The following MCL1 variants were observed in gnomAD, a reference collection of about 807,000 sequenced individuals.
MCL1 encodes the protein induced myeloid leukemia cell differentiation protein Mcl-1.
A neutral mutation model predicts 24.2 loss-of-function variants in MCL1; 4 were observed. The ratio of observed to expected loss-of-function variants is 0.17; its 90% confidence interval spans 0.08 to 0.38. The LOEUF (loss-of-function observed/expected upper bound fraction) is 0.38, where lower values mean the gene tolerates loss of function less well. MCL1 is among the 10% of genes least tolerant of loss of function. The pLI is 1.00. For synonymous variants in MCL1, 248 were observed against 214.0 expected (o/e 1.16, Z -1.39); for missense variants, 529 against 480.3 (o/e 1.10, Z -0.95).
chr1:150,577,362 A>T lies in MCL1; in HGVS notation c.*13T>A. ...TGGTTGGTTAAAAGTCAACTATTGCACTTACAGTAAGGCTATCTTATTAGA... is the reference window on the plus strand; with the variant it reads ...TGGTTGGTTAAAAGTCAACTATTGCTCTTACAGTAAGGCTATCTTATTAGA... On this transcript the variant is annotated 3_prime_UTR_variant, in exon 3 of 3. Transcript: ENST00000369026. 1 of 1,611,242 alleles carries T rather than the reference A, an allele frequency of 6.2e-7. No individual in the cohort carries two copies. Among genetic ancestry groups the T allele is most frequent in the South Asian group, 1.1e-5 (1 of 90,600 alleles).
At chr1:150,577,831 C>G (rs1368433672) in intron 2 of MCL1, among the ~76,000 whole-genome samples, 1 of 152,164 alleles carries the variant, frequency 6.6e-6, no homozygotes, top group East Asian at 1.9e-4. Context: ...TTGCGCAGAT[C>G]AGTTTTTCTC....
In MCL1 at chr1:150,574,756, C is replaced by G. The variant is rs771722861; in HGVS notation, c.*2619G>C. On this transcript the variant is annotated 3_prime_UTR_variant, in exon 3 of 3. Coordinates refer to ENST00000369026, the MANE Select transcript of MCL1 (RefSeq NM_021960.5). Reference sequence around the variant, plus strand: ...AAACACTAGAGGACTGCATGTTTTTCCCTGAGAGAAGCGTAAGACAAACAG... The same window carrying G: ...AAACACTAGAGGACTGCATGTTTTTGCCTGAGAGAAGCGTAAGACAAACAG... 2 of 233,024 alleles carry G rather than the reference C, an allele frequency of 8.6e-6. No homozygotes were observed. The highest frequency in any genetic ancestry group is 1.7e-5 in the Non-Finnish European group (2 of 117,738). 14.4% of individuals were successfully genotyped at this position (233,024 alleles called of 1,614,324 possible). A position where few individuals can be genotyped will look rare whatever the true frequency, so the allele number is the denominator to read the frequency against.
intron 1 of MCL1, 26 bp downstream of exon 1, chr1:150,578,817 C>T: frequency 6.3e-7 from 1 of 1,593,222 alleles, no homozygotes; most frequent in Non-Finnish European, 8.6e-7. Context: ...GGGAGTGAGG[C>T]CTTGGCGATT....
rs762886447 is a variant in MCL1 at position 150,578,884 on chromosome 1, A to G, written c.647T>C (p.Val216Ala). ...SRKALETLRR[V>A]GDGVQRNHET... Reference sequence around the variant, plus strand: ...GTGGTTGCGCTGCACGCCATCCCCAACCCGTCGTAAGGTCTCCAGCGCCTT... The same window carrying G: ...GTGGTTGCGCTGCACGCCATCCCCAGCCCGTCGTAAGGTCTCCAGCGCCTT... Residue 216 changes from valine to alanine, a missense_variant, in exon 1 of 3, where the codon GTT becomes GCT. Transcript: ENST00000369026. 2 of 1,613,610 alleles carry G rather than the reference A, an allele frequency of 1.2e-6. No homozygotes were observed. The highest frequency in any genetic ancestry group is 1.7e-5 in the Admixed American group (1 of 60,008).
Position 150,578,335 on chromosome 1 carries a change from T to G in MCL1, c.845A>C (p.Asn282Thr). ...TAATGGTTCGATGCAGCTTTCTTGG[T>G]TTATGGTCTTCAAGTGTTTAGCCAC... ...AFVAKHLKTI[N>T]QESCIEPLAE... The change falls in exon 2 of 3, where the codon AAC (asparagine) becomes ACC (threonine). Residue 282 changes from asparagine (N) to threonine (T), a missense_variant. By Grantham distance (65) the Asn-to-Thr change is moderately conservative (BLOSUM62 0). Coordinates refer to ENST00000369026, the MANE Select transcript of MCL1 (RefSeq NM_021960.5). 1 of 1,614,226 alleles carries G rather than the reference T, an allele frequency of 6.2e-7. No homozygotes were observed. Among genetic ancestry groups the G allele is most frequent in the South Asian group, 1.1e-5 (1 of 91,088 alleles).
rs768964884 is a variant in MCL1 at position 150,579,252 on chromosome 1, G to T, written c.279C>A (p.Pro93=). The T allele has an allele frequency of 6.6e-7, 1 of 1,516,752 alleles. No individual in the cohort carries two copies. The highest frequency in any genetic ancestry group is 8.8e-7 in the Non-Finnish European group (1 of 1,138,426). The allele number at this position is 1,516,752 out of a possible 1,614,324, so 94.0% of individuals were successfully genotyped here. A position where few individuals can be genotyped will look rare whatever the true frequency, so the allele number is the denominator to read the frequency against. Residue 93 remains proline, a synonymous_variant, in exon 1 of 3, where the codon CCC becomes CCA. Transcript: ENST00000369026. ...GAEVPDVTAT[P]ARLLFFAPTR... is the part of the protein sequence containing the mutation. ...TGGGCGCGAAGAAAAGCAGCCTCGC[G>T]GGGGTCGCGGTGACGTCGGGGACCT...
In MCL1 at chr1:150,578,336, T is replaced by G; in HGVS notation, c.844A>C (p.Asn282His). Reference sequence around the variant, plus strand: ...AATGGTTCGATGCAGCTTTCTTGGTTTATGGTCTTCAAGTGTTTAGCCACA... The same window carrying G: ...AATGGTTCGATGCAGCTTTCTTGGTGTATGGTCTTCAAGTGTTTAGCCACA... ...AFVAKHLKTI[N>H]QESCIEPLAE... The change falls in exon 2 of 3, where the codon AAC becomes CAC. Residue 282 changes from asparagine to histidine, a missense_variant. By Grantham distance (68) the Asn-to-His change is moderately conservative. Transcript: ENST00000369026. 2 of 1,614,228 alleles carry G rather than the reference T, an allele frequency of 1.2e-6. No homozygotes were observed. The highest frequency in any genetic ancestry group is 1.7e-5 in the Admixed American group (1 of 60,024).
chr1:150,578,269 T>A lies in MCL1; in HGVS notation c.911A>T (p.Asp304Val), dbSNP rs758143144. 6 of 1,614,026 alleles carry A rather than the reference T, an allele frequency of 3.7e-6. No individual in the cohort carries two copies. In the African/African-American group the frequency reaches 8.0e-5, roughly 22 times the overall value. The part of the protein sequence containing the change: ...ITDVLVRTKR[D>V]WLVKQRGWDG... The stretch of plus-strand genomic sequence containing the variant: ...CCAGCCTCTTTGTTTAACTAGCCAG[T>A]CCCGTTTTGTCCTTACGAGAACGTC... Residue 304 changes from aspartate to valine, a missense_variant, in exon 2 of 3, where the codon GAC (aspartate) becomes GTC (valine). Asp to Val is a radical substitution (Grantham distance 152, BLOSUM62 -3). Coordinates refer to ENST00000369026, the MANE Select transcript of MCL1 (RefSeq NM_021960.5).
rs751914083 is a variant in MCL1 at position 150,579,405 on chromosome 1, G to A, written c.126C>T (p.Ala42=). Residue 42 remains alanine, a synonymous_variant, in exon 1 of 3, where the codon GCC becomes GCT. Transcript: ENST00000369026. ...CTCCCCCTATCTCTCGCCGGGCCGA[G>A]GCCTCCTTCTCCGTAGCCAAAAGTC... is the stretch of plus-strand genomic sequence containing the variant. The part of the protein sequence containing the change: ...GGRLLATEKE[A]SARREIGGGE... 1 of 1,569,290 alleles carries A rather than the reference G, an allele frequency of 6.4e-7. No individual in the cohort carries two copies. The highest frequency in any genetic ancestry group is 8.6e-7 in the Non-Finnish European group (1 of 1,162,674).
rs1647966496 is a variant in MCL1, at chr1:150,579,206, C to T, written c.325G>A (p.Glu109Lys). 6.3e-7 allele frequency: 1 copy of T among 1,584,750 alleles called. No individual in the cohort carries two copies. The highest frequency in any genetic ancestry group is 8.6e-7 in the Non-Finnish European group (1 of 1,168,134). The change falls in exon 1 of 3, where the codon GAG becomes AAG. Residue 109 changes from glutamate to lysine, a missense_variant. Coordinates refer to ENST00000369026, the MANE Select transcript of MCL1 (RefSeq NM_021960.5). ...TCAGCGGCCGGGGCTTCCATCTCCT[C>T]AAGCGGCGCCGCGCGGCGGGTGGGC... Reference protein sequence around the residue: ...FAPTRRAAPLEEMEAPAADAI... With the variant: ...FAPTRRAAPLKEMEAPAADAI...
chr1:150,577,513 C>T (rs1647861541), intron 2 of MCL1, 22 bp from the exon 3 acceptor site: 1 of 1,576,950 alleles, frequency 6.3e-7, no homozygotes, highest in African/African-American at 1.5e-5. Context: ...AAAAGAAAAG[C>T]ACATTTTCAA....
In MCL1 at chr1:150,575,285, C is replaced by T. The variant is rs1647745122; in HGVS notation, c.*2090G>A. On this transcript the variant is annotated 3_prime_UTR_variant, in exon 3 of 3. Coordinates refer to ENST00000369026, the MANE Select transcript of MCL1 (RefSeq NM_021960.5). ...CAGGCAGGGCAGTTCTTCCCCATTACATTCTTAGTCATCTTATTCATACCT... is the reference window on the plus strand; with the variant it reads ...CAGGCAGGGCAGTTCTTCCCCATTATATTCTTAGTCATCTTATTCATACCT... 1 of 233,192 alleles carries T rather than the reference C, an allele frequency of 4.3e-6. No homozygotes were observed. The highest frequency in any genetic ancestry group is 5.6e-5 in the Admixed American group (1 of 17,770). 14.4% of individuals were successfully genotyped at this position (233,192 alleles called of 1,614,324 possible).
In MCL1 at chr1:150,577,384, T is replaced by G. The variant is rs900923545; in HGVS notation, c.1044A>C (p.Leu348=). Residue 348 remains leucine, a synonymous_variant, in exon 3 of 3, where the codon CTA becomes CTC. Transcript: ENST00000369026. ...TGCACTTACAGTAAGGCTATCTTAT[T>G]AGATATGCCAAACCAGCTCCTACTC... is the stretch of plus-strand genomic sequence containing the variant. ...VAGVGAGLAY[L]IR 2 of 1,613,380 alleles carry G rather than the reference T, an allele frequency of 1.2e-6. No homozygotes were observed. The highest frequency in any genetic ancestry group is 2.7e-5 in the African/African-American group (2 of 74,888).
rs1427360554 is a variant in MCL1 at position 150,576,832 on chromosome 1, A to G, written c.*543T>C. On this transcript the variant is annotated 3_prime_UTR_variant, in exon 3 of 3. Coordinates refer to ENST00000369026, the MANE Select transcript of MCL1 (RefSeq NM_021960.5). The stretch of plus-strand genomic sequence containing the variant: ...AACCAAGCCAAAGTATAACAGGTAT[A>G]AAAGTCCTGAACACTTGGACTTTCT... 2 of 233,086 alleles carry G rather than the reference A, an allele frequency of 8.6e-6. No individual in the cohort carries two copies. The highest frequency in any genetic ancestry group is 4.4e-5 in the African/African-American group (2 of 45,326). 14.4% of individuals were successfully genotyped at this position (233,086 alleles called of 1,614,324 possible). A position where few individuals can be genotyped will look rare whatever the true frequency, so the allele number is the denominator to read the frequency against.
chr1:150,579,415 T>C lies in MCL1; in HGVS notation c.116A>G (p.Glu39Gly), dbSNP rs1428492838. ...TRPGGRLLAT[E>G]KEASARREIG... is the part of the protein sequence containing the mutation. Reference sequence around the variant, plus strand: ...CTCTCGCCGGGCCGAGGCCTCCTTCTCCGTAGCCAAAAGTCGCCCTCCCGG... The same window carrying C: ...CTCTCGCCGGGCCGAGGCCTCCTTCCCCGTAGCCAAAAGTCGCCCTCCCGG... Residue 39 changes from glutamate to glycine, a missense_variant, in exon 1 of 3, where the codon GAG (glutamate) becomes GGG (glycine). Glu to Gly is a moderately conservative substitution (Grantham distance 98). Coordinates refer to ENST00000369026, the MANE Select transcript of MCL1 (RefSeq NM_021960.5). 6.3e-7 allele frequency: 1 copy of C among 1,579,246 alleles called. No individual in the cohort carries two copies. The highest frequency in any genetic ancestry group is 8.6e-7 in the Non-Finnish European group (1 of 1,166,256).
In MCL1 at chr1:150,576,215, T is replaced by C. The variant is rs1199177880; in HGVS notation, c.*1160A>G. The C allele has an allele frequency of 4.3e-6, 1 of 233,202 alleles. No homozygotes were observed. The highest frequency in any genetic ancestry group is 8.5e-6 in the Non-Finnish European group (1 of 117,846). 14.4% of individuals were successfully genotyped at this position (233,202 alleles called of 1,614,324 possible). ...AAAGCTTTAAAGATGAGCCCATGAA[T>C]TCACTTTAAATTTCACCAGTTAAAT... On this transcript the variant is annotated 3_prime_UTR_variant, in exon 3 of 3. Transcript: ENST00000369026.
At position 150,579,358 on chromosome 1, in the gene MCL1, C is replaced by A. The variant is rs773949054; in HGVS notation, c.173G>T (p.Gly58Val). 1.3e-6 allele frequency: 2 copies of A among 1,482,750 alleles called. No homozygotes were observed. The highest frequency in any genetic ancestry group is 1.8e-6 in the Non-Finnish European group (2 of 1,125,250). 91.8% of individuals were successfully genotyped at this position (1,482,750 alleles called of 1,614,324 possible). ...CGGGGGGCTTGCGCCGGCGCTTCCGCCAATCACCGCGCCGGCCTCCCCTCC... is the reference window on the plus strand; with the variant it reads ...CGGGGGGCTTGCGCCGGCGCTTCCGACAATCACCGCGCCGGCCTCCCCTCC... ...IGGGEAGAVI[G>V]GSAGASPPST... The change falls in exon 1 of 3, where the codon GGC (glycine) becomes GTC (valine). Residue 58 changes from glycine to valine, a missense_variant. Coordinates refer to ENST00000369026, the MANE Select transcript of MCL1 (RefSeq NM_021960.5).
Position 150,578,907 on chromosome 1 carries a change from C to T in MCL1, c.624G>A (p.Lys208=), listed in dbSNP as rs760768165. The change falls in exon 1 of 3, where the codon AAG becomes AAA. Residue 208 remains lysine (K), a synonymous_variant. Transcript: ENST00000369026. The stretch of plus-strand genomic sequence containing the variant: ...CAACCCGTCGTAAGGTCTCCAGCGC[C>T]TTCCTGCTGGTGGCCCCAGACCTGC... The part of the protein sequence containing the change: ...PMGRSGATSR[K]ALETLRRVGD... 6.2e-7 allele frequency: 1 copy of T among 1,613,866 alleles called. No individual in the cohort carries two copies. Among genetic ancestry groups the T allele is most frequent in the East Asian group, 2.2e-5 (1 of 44,868 alleles).
rs1177513257 is a variant in MCL1 at position 150,578,838 on chromosome 1, CT to C, written c.688+4del. The C allele has an allele frequency of 6.2e-7, 1 of 1,610,066 alleles. No homozygotes were observed. The highest frequency in any genetic ancestry group is 8.5e-7 in the Non-Finnish European group (1 of 1,177,206). On this transcript the variant is annotated splice_donor_region_variant and intron_variant, in intron 1 of 2. Transcript: ENST00000369026. ...GAGGCCTTGGCGATTAATGAACCCC[CT>C]TACCTTGGAAGGCCGTCTCGTGGTT...
Sources: gnomAD v4.1 joint callset for allele counts (sites outside exome capture counted in the v4.1 genomes callset) on GRCh38, gnomAD v4.1.1 for gene constraint, MANE v1.5 for transcripts, NCBI Gene and HGNC (gene_info 2026-07-23, HGNC 2026-07-21) for gene names.